DNAAF11: variants seen among roughly 807,000 people sequenced by gnomAD.
DNAAF11 encodes dynein axonemal assembly factor 11.
Under a neutral mutation model 60.8 loss-of-function variants are expected in DNAAF11, and 45 were observed. That is an observed-to-expected ratio of 0.74 (90% CI 0.58 to 0.95). The LOEUF is 0.95. DNAAF11 is among the 40% of genes least tolerant of loss of function. The probability of loss-of-function intolerance (pLI) is 0.00; values close to 1 mark genes in which losing one functional copy is unlikely to be tolerated. For synonymous variants in DNAAF11, 191 were observed against 183.5 expected, an observed-to-expected ratio of 1.04 and a Z score of -0.33; for missense variants, 546 against 546.2, an observed-to-expected ratio of 1.00 and a Z score of 0.00.
chr8:132,595,575 CT>C (rs1333782061), intron 10 of DNAAF11, among the ~76,000 whole-genome samples: 1 of 151,898 alleles, frequency 6.6e-6, no homozygotes, highest in Non-Finnish European at 1.5e-5. Context: ...GCAAAATTTA[CT>C]TCTTTAAAAA....
intron 3 of DNAAF11, among the ~76,000 whole-genome samples, chr8:132,645,631 G>C (rs866335723): frequency 5.9e-5 from 9 of 152,092 alleles, no homozygotes; most frequent in African/African-American, 1.9e-4. Flanking sequence ...AATAAACAGC[G>C]TAGAGAAGAC....
intron 9 of DNAAF11, 125 bp from the exon 10 acceptor site, chr8:132,610,386 T>C (rs1412617955): frequency 1.6e-6 from 1 of 633,152 alleles, no homozygotes; most frequent in Non-Finnish European, 2.8e-6. Flanking sequence ...CTTAAGCTTA[T>C]TAAAAATATT....
chr8:132,583,725 A>G lies in DNAAF11; in HGVS notation c.1195T>C (p.Ser399Pro). The G allele has an allele frequency of 6.2e-7, 1 of 1,613,808 alleles. No homozygotes were observed. Among genetic ancestry groups the G allele is most frequent in the Non-Finnish European group, 8.5e-7 (1 of 1,179,820 alleles). Residue 399 changes from serine to proline, a missense_variant, in exon 11 of 12, where the codon TCG (serine) becomes CCG (proline). Physicochemically the swap from Ser to Pro is moderately conservative, Grantham distance 74. Transcript: ENST00000620350. ...TTTGTTTGTTCTCTGCTCCTGTCCGAGGTAGTTTTCATAGATTTGAATGCT... is the reference window on the plus strand; with the variant it reads ...TTTGTTTGTTCTCTGCTCCTGTCCGGGGTAGTTTTCATAGATTTGAATGCT... The part of the protein sequence containing the change: ...QRAFKSMKTT[S>P]DRSREQTNTR...
intron 5 of DNAAF11, among the ~76,000 whole-genome samples, chr8:132,627,942 G>GCA (rs1347826844): frequency 1.3e-5 from 2 of 152,146 alleles, no homozygotes; most frequent in African/African-American, 4.8e-5. Flanking sequence ...TCCTCCAAGT[G>GCA]TACTGTTCAC....
At chr8:132,610,630 T>A (rs1385617123) in intron 9 of DNAAF11, among the ~76,000 whole-genome samples, 1 of 152,164 alleles carries the variant, frequency 6.6e-6, no homozygotes, top group African/African-American at 2.4e-5. Flanking sequence ...AAAATTATAG[T>A]TTTTATGAAT....
chr8:132,690,455 A>G, the DNAAF11 span, among the ~76,000 whole-genome samples: 5 of 152,006 alleles, frequency 3.3e-5, no homozygotes, highest in African/African-American at 7.2e-5. Context: ...CTTGCCGAAC[A>G]GTGAGTCAAT....
chr8:132,684,898 C>G, the DNAAF11 span: 1 of 152,142 alleles, frequency 6.6e-6, no homozygotes, highest in South Asian at 2.1e-4. Flanking sequence ...AAGAGAAGAA[C>G]CAAAGGGTGA....
intron 7 of DNAAF11, among the ~76,000 whole-genome samples, chr8:132,620,125 T>C (rs1360404777): frequency 6.6e-6 from 1 of 152,002 alleles, no homozygotes; most frequent in East Asian, 1.9e-4. Flanking sequence ...TACAGGAAGA[T>C]TGCCAGAGTC....
chr8:132,674,875 A>G (rs1245867117), intron 1 of DNAAF11, among the ~76,000 whole-genome samples: 1 of 152,190 alleles, frequency 6.6e-6, no homozygotes, highest in Non-Finnish European at 1.5e-5. Context: ...GCGACAGAGC[A>G]AAACTCTTGT....
intron 10 of DNAAF11, among the ~76,000 whole-genome samples, chr8:132,592,564 T>A (rs565827312): frequency 5.4e-4 from 82 of 152,280 alleles, no homozygotes; most frequent in African/African-American, 1.9e-3. Flanking sequence ...ATTAGGACTT[T>A]ATTCTAAAGA....
intron 10 of DNAAF11, among the ~76,000 whole-genome samples, chr8:132,598,876 G>A (rs552135154): frequency 2.0e-5 from 3 of 152,122 alleles, no homozygotes; most frequent in Admixed American, 6.6e-5. Flanking sequence ...AGAGAAGCAA[G>A]AGCAAATGCA....
At chr8:132,689,282 T>TA in the DNAAF11 span, among the ~76,000 whole-genome samples, 4 of 152,324 alleles carry the variant, frequency 2.6e-5, no homozygotes, top group East Asian at 7.7e-4. Context: ...ATGAAGTACT[T>TA]ACGAATGTCA....
intron 10 of DNAAF11, among the ~76,000 whole-genome samples, chr8:132,598,794 T>A (rs974230728): frequency 1.3e-5 from 2 of 152,230 alleles, no homozygotes; most frequent in African/African-American, 4.8e-5. Flanking sequence ...GGGAAATTTA[T>A]AGCACTGAAT....
chr8:132,702,376 ATCTGTATTTTTGCCT>A, the DNAAF11 span: 3 of 152,210 alleles, frequency 2.0e-5, no homozygotes, highest in African/African-American at 7.2e-5. Context: ...TGACCTCAAA[ATCTGTATTTTTGCCT>A]TTATACCATT....
At chr8:132,635,320 G>A (rs1364991749) in intron 4 of DNAAF11, among the ~76,000 whole-genome samples, 3 of 152,172 alleles carry the variant, frequency 2.0e-5, no homozygotes, top group East Asian at 1.9e-4. Flanking sequence ...AACTGTGCAA[G>A]TGCTGAAGCA....
At chr8:132,660,649 A>G (rs1824045962) in intron 2 of DNAAF11, among the ~76,000 whole-genome samples, 1 of 152,114 alleles carries the variant, frequency 6.6e-6, no homozygotes, top group African/African-American at 2.4e-5. Flanking sequence ...GTGGTGGGGG[A>G]AGGAAGACCA....
upstream of DNAAF11, chr8:132,675,698 C>T (rs1275926753): frequency 2.2e-6 from 1 of 460,346 alleles, no homozygotes; most frequent in East Asian, 3.5e-5. Flanking sequence ...TGAAGGGGCT[C>T]AGCAGACAGG....
At chr8:132,592,942 C>A (rs1266504913) in intron 10 of DNAAF11, among the ~76,000 whole-genome samples, 1 of 151,688 alleles carries the variant, frequency 6.6e-6, no homozygotes, top group Non-Finnish European at 1.5e-5. Context: ...GAAAATCCTG[C>A]AAATACATAT....
intron 11 of DNAAF11, among the ~76,000 whole-genome samples, chr8:132,575,566 C>A (rs1240743675): frequency 6.6e-6 from 1 of 152,032 alleles, no homozygotes; most frequent in Non-Finnish European, 1.5e-5. Flanking sequence ...AAGGGCTCTG[C>A]AAGTAGGATA....
Sources: gnomAD v4.1 joint callset for allele counts (sites outside exome capture counted in the v4.1 genomes callset) on GRCh38, gnomAD v4.1.1 for gene constraint, MANE v1.5 for transcripts, NCBI Gene and HGNC (gene_info 2026-07-23, HGNC 2026-07-21) for gene names.